ADGRE3: variants seen among roughly 807,000 people sequenced by gnomAD.
ADGRE3 encodes adhesion G protein-coupled receptor E3.
Under a neutral mutation model 80.1 loss-of-function variants are expected in ADGRE3, and 88 were observed. That is an observed-to-expected ratio of 1.10 (90% CI 0.93 to 1.31). The LOEUF (loss-of-function observed/expected upper bound fraction) is 1.31, where lower values mean the gene tolerates loss of function less well. Among genes scored for constraint, ADGRE3 ranks in the 40% most tolerant of loss-of-function variants. The pLI, the probability that ADGRE3 is intolerant of heterozygous loss-of-function variation, is 0.00. For missense variants in ADGRE3, 715 were observed against 776.5 expected (o/e 0.92, Z 0.94); for synonymous variants, 281 against 294.8 (o/e 0.95, Z 0.48).
At chr19:14,638,390 GC>G (rs1568483064) in intron 10 of ADGRE3, 50 bp from the exon 11 acceptor site, 2 of 1,402,348 alleles carry the variant, frequency 1.4e-6, no homozygotes, top group Admixed American at 3.6e-5. Flanking sequence ...GTGGAGTATG[GC>G]CCTAGGACCT....
intron 11 of ADGRE3, among the ~76,000 whole-genome samples, chr19:14,636,711 T>A (rs1037475160): frequency 6.6e-6 from 1 of 152,162 alleles, no homozygotes; most frequent in Non-Finnish European, 1.5e-5. Context: ...TCCTACTAGC[T>A]GTTTGGTGCC....
At chr19:14,654,139 G>T (rs1206305067) in intron 6 of ADGRE3, among the ~76,000 whole-genome samples, 2 of 151,786 alleles carry the variant, frequency 1.3e-5, no homozygotes, top group Non-Finnish European at 2.9e-5. Flanking sequence ...TTTTAGTAAA[G>T]ATTAAGTTTC....
At chr19:14,612,928 T>A in the ADGRE3 span, among the ~76,000 whole-genome samples, 3 of 119,608 alleles carry the variant, frequency 2.5e-5, no homozygotes, top group African/African-American at 9.7e-5. Flanking sequence ...CCAATCAATT[T>A]ATTTTTTTTT....
At chr19:14,633,081 C>T in intron 12 of ADGRE3, 69 bp from the exon 13 acceptor site, 1 of 1,363,546 alleles carries the variant, frequency 7.3e-7, no homozygotes, top group Non-Finnish European at 1.0e-6. Context: ...TTAAATTGCA[C>T]ACAGGAGTCC....
Position 14,641,478 on chromosome 19 carries a change from G to A in ADGRE3, c.1189C>T (p.Leu397Phe). Residue 397 changes from leucine (L) to phenylalanine (F), a missense_variant, in exon 10 of 16, where the codon CTC becomes TTC. By Grantham distance (22) the Leu-to-Phe change is conservative. Transcript: ENST00000253673. ...AGGAGGTGGGCCAGGAAGAGGCAGAGCGAGAGCTGCAGATGCAGTGAGGTG... is the reference window on the plus strand; with the variant it reads ...AGGAGGTGGGCCAGGAAGAGGCAGAACGAGAGCTGCAGATGCAGTGAGGTG... ...TSTSLHLQLS[L>F]CLFLAHLLFL... The A allele has an allele frequency of 6.2e-7, 1 of 1,613,860 alleles. No homozygotes were observed. Among genetic ancestry groups the A allele is most frequent in the Non-Finnish European group, 8.5e-7 (1 of 1,179,776 alleles).
chr19:14,668,880 A>C, intron 1 of ADGRE3, 28 bp from the exon 2 acceptor site: 1 of 1,609,028 alleles, frequency 6.2e-7, no homozygotes, highest in Non-Finnish European at 8.5e-7. Flanking sequence ...CAGAAGGGAG[A>C]GACATGAAAC....
At chr19:14,604,624 A>C in the ADGRE3 span, among the ~76,000 whole-genome samples, 1 of 151,982 alleles carries the variant, frequency 6.6e-6, no homozygotes, top group Non-Finnish European at 1.5e-5. Context: ...TGAGCTGGGC[A>C]TGGTGGCGCG....
At chr19:14,644,325 C>CTTT in intron 8 of ADGRE3, 50 bp from the exon 9 acceptor site, 24 of 1,039,978 alleles carry the variant, frequency 2.3e-5, no homozygotes, top group South Asian at 6.9e-5. Flanking sequence ...TTCTTTCTTT[C>CTTT]TTTTTTTTTT....
chr19:14,636,773 T>C (rs1295970997), intron 11 of ADGRE3, among the ~76,000 whole-genome samples: 1 of 152,044 alleles, frequency 6.6e-6, no homozygotes, highest in Non-Finnish European at 1.5e-5. Flanking sequence ...TTTACTGCTC[T>C]ATAGGTAACA....
chr19:14,601,335 A>G, the ADGRE3 span, among the ~76,000 whole-genome samples: 2 of 152,206 alleles, frequency 1.3e-5, no homozygotes, highest in Admixed American at 1.3e-4. Context: ...GTACACGCCT[A>G]TCTTTTAAGG....
At chr19:14,625,883 T>G (rs571992625) in intron 14 of ADGRE3, among the ~76,000 whole-genome samples, 1 of 152,116 alleles carries the variant, frequency 6.6e-6, no homozygotes, top group South Asian at 2.1e-4. Flanking sequence ...CCTAAAGTAG[T>G]CAAATCCATA....
the ADGRE3 span, among the ~76,000 whole-genome samples, chr19:14,602,975 T>C: frequency 5.9e-5 from 9 of 152,086 alleles, no homozygotes; most frequent in African/African-American, 2.2e-4. Context: ...CCTCAGGTGA[T>C]CCACCTGCCT....
chr19:14,631,517 AT>A (rs1299285356), intron 13 of ADGRE3, among the ~76,000 whole-genome samples: 14 of 151,226 alleles, frequency 9.3e-5, no homozygotes, highest in Non-Finnish European at 1.8e-4. Context: ...CAATATATAT[AT>A]GTACATATAT....
chr19:14,647,486 G>T, intron 7 of ADGRE3, 121 bp from the exon 8 acceptor site: 1 of 719,674 alleles, frequency 1.4e-6, no homozygotes. Context: ...GCGTGATCTT[G>T]GCTCACTGCA....
the ADGRE3 span, among the ~76,000 whole-genome samples, chr19:14,608,949 G>A: frequency 1.8e-4 from 27 of 152,012 alleles, no homozygotes; most frequent in Admixed American, 7.9e-4. Context: ...ACAGGCGCCC[G>A]CCACCATGCT....
intron 9 of ADGRE3, 72 bp downstream of exon 9, chr19:14,644,036 T>A (rs1224930193): frequency 4.7e-6 from 4 of 852,716 alleles, no homozygotes; most frequent in African/African-American, 4.0e-5. Flanking sequence ...TTTTTTTTTT[T>A]AATAGCACTT....
At chr19:14,602,741 GTT>G in the ADGRE3 span, among the ~76,000 whole-genome samples, 7 of 145,190 alleles carry the variant, frequency 4.8e-5, no homozygotes, top group Admixed American at 2.8e-4. Context: ...TAGTTAAACA[GTT>G]TTTTTTTTTT....
chr19:14,600,296 T>C, the ADGRE3 span: 1 of 1,283,208 alleles, frequency 7.8e-7, no homozygotes, highest in South Asian at 1.4e-5. Context: ...ACTTTTCAGT[T>C]ACTAAAACTT....
At chr19:14,661,334 G>A (rs900634781) in intron 4 of ADGRE3, among the ~76,000 whole-genome samples, 1 of 152,216 alleles carries the variant, frequency 6.6e-6, no homozygotes, top group Admixed American at 6.5e-5. Context: ...GATGATTAGA[G>A]ACAGGGACTA....
Sources: allele counts gnomAD v4.1 joint callset (sites outside exome capture counted in the v4.1 genomes callset), GRCh38; gene constraint gnomAD v4.1.1; transcripts MANE v1.5; gene names NCBI Gene and HGNC (gene_info 2026-07-23, HGNC 2026-07-21).